CDC20B: variants seen among roughly 807,000 people sequenced by gnomAD.
CDC20B encodes the protein cell division cycle 20B.
CDC20B carries 58 observed loss-of-function variants against 64.1 expected under a neutral mutation model. The observed-to-expected ratio is 0.90, with a 90% CI of 0.73 to 1.13. The LOEUF is 1.13. Among genes scored for constraint, CDC20B ranks in the 50% most tolerant of loss-of-function variants. CDC20B has a pLI of 0.00. For synonymous variants in CDC20B, 243 were observed against 230.6 expected, an observed-to-expected ratio of 1.05 and a Z score of -0.49; for missense variants, 597 against 633.0, an observed-to-expected ratio of 0.94 and a Z score of 0.61.
intron 8 of CDC20B, 29 bp from the exon 9 acceptor site, chr5:55,125,057 G>A: frequency 6.4e-7 from 1 of 1,567,580 alleles, no homozygotes; most frequent in East Asian, 2.3e-5. Flanking sequence ...AAAAAATTAA[G>A]CCCTGTTGCT....
chr5:55,152,443 A>G (rs1743693411), intron 2 of CDC20B, among the ~76,000 whole-genome samples: 1 of 152,228 alleles, frequency 6.6e-6, no homozygotes, highest in Non-Finnish European at 1.5e-5. Flanking sequence ...TGTCTATTTT[A>G]GTTTCATCAC....
At position 55,168,330 on chromosome 5, in the gene CDC20B, A is replaced by G. The variant is rs141735662; in HGVS notation, c.126+4258T>C. Among the ~76,000 whole-genome samples the G allele has an allele frequency of 4.9e-4, 75 of 152,102 alleles. No individual in the cohort carries two copies. The East Asian group carries it at 0.013, about 27-fold the overall frequency. ...TTCCCAGCACCAGTGAACAGCCAAGAGACTGCCCCAAGAGAAAACACCTGG... is the reference window on the plus strand; with the variant it reads ...TTCCCAGCACCAGTGAACAGCCAAGGGACTGCCCCAAGAGAAAACACCTGG... On this transcript the variant is annotated intron_variant, in intron 2 of 11. Transcript: ENST00000381375.
Position 55,141,475 on chromosome 5 carries a change from A to T in CDC20B, c.487-1068T>A, listed in dbSNP as rs887757000. Among the ~76,000 whole-genome samples the T allele has an allele frequency of 1.1e-4, 16 of 152,308 alleles. 2 individuals are homozygous for T. The South Asian group carries it at 3.3e-3, about 32-fold the overall frequency. ...AAGTGATGGCCTTCCCGGTGTTATAACTATAGTGGTGAGCTTCTCTATGTT... is the reference window on the plus strand; with the variant it reads ...AAGTGATGGCCTTCCCGGTGTTATATCTATAGTGGTGAGCTTCTCTATGTT... On this transcript the variant is annotated intron_variant, in intron 4 of 11. Coordinates refer to ENST00000381375, the MANE Select transcript of CDC20B (RefSeq NM_001170402.1).
At chr5:55,127,685 G>C (rs1306692104) in intron 7 of CDC20B, among the ~76,000 whole-genome samples, 2 of 152,126 alleles carry the variant, frequency 1.3e-5, no homozygotes, top group African/African-American at 4.8e-5. Context: ...TCCAAATCTG[G>C]AAATCTACCC....
At chr5:55,150,822 G>A (rs1053554258) in intron 2 of CDC20B, among the ~76,000 whole-genome samples, 2 of 151,990 alleles carry the variant, frequency 1.3e-5, no homozygotes, top group African/African-American at 2.4e-5. Context: ...ATGGCTCACC[G>A]CAGTCTCGAC....
chr5:55,164,125 G>A (rs950401320), intron 2 of CDC20B: 55 of 1,607,696 alleles, frequency 3.4e-5, no homozygotes, highest in Non-Finnish European at 4.7e-5. Context: ...AAGTTGTGAA[G>A]TTCTGGAAGC....
At chr5:55,151,044 C>G (rs1175667171) in intron 2 of CDC20B, among the ~76,000 whole-genome samples, 1 of 152,140 alleles carries the variant, frequency 6.6e-6, no homozygotes, top group Non-Finnish European at 1.5e-5. Context: ...CCTCACAGGG[C>G]CACTCGAACT....
intron 11 of CDC20B, among the ~76,000 whole-genome samples, chr5:55,115,963 T>C (rs1055478941): frequency 8.5e-5 from 13 of 152,192 alleles, no homozygotes; most frequent in African/African-American, 3.1e-4. Flanking sequence ...TGGCCCTGGG[T>C]GTGTTGGGAC....
At chr5:55,134,378 G>A (rs1162146475) in intron 5 of CDC20B, among the ~76,000 whole-genome samples, 4 of 151,908 alleles carry the variant, frequency 2.6e-5, no homozygotes, top group Non-Finnish European at 5.9e-5. Context: ...TGTAGCTGAG[G>A]GCAAAACTGC....
At chr5:55,141,103 G>A (rs944867434) in intron 4 of CDC20B, among the ~76,000 whole-genome samples, 8 of 152,324 alleles carry the variant, frequency 5.3e-5, no homozygotes, top group African/African-American at 1.9e-4. Context: ...GAGGGAGTGG[G>A]TGGATGAGCA....
chr5:55,116,302 G>C lies in CDC20B; in HGVS notation c.1460-1984C>G, dbSNP rs1247838674. The stretch of plus-strand genomic sequence containing the variant: ...CCTGCAGTCCCAGCTACTCAGGAGG[G>C]TCACTTGAAGCAAGGTGTTTGAGGC... On this transcript the variant is annotated intron_variant, in intron 11 of 11. Coordinates refer to ENST00000381375, the MANE Select transcript of CDC20B (RefSeq NM_001170402.1). 2.0e-5 allele frequency among the ~76,000 whole-genome samples: 3 copies of C among 152,182 alleles called. No individual in the cohort carries two copies. In the South Asian group the frequency reaches 6.2e-4, roughly 32 times the overall value.
chr5:55,167,945 T>C (rs559323500), intron 2 of CDC20B, among the ~76,000 whole-genome samples: 1 of 152,206 alleles, frequency 6.6e-6, no homozygotes, highest in Non-Finnish European at 1.5e-5. Context: ...GGTGAGAGGA[T>C]TGCTTAAGCC....
chr5:55,126,900 C>G (rs1284157981), intron 8 of CDC20B, among the ~76,000 whole-genome samples: 3 of 152,208 alleles, frequency 2.0e-5, no homozygotes, highest in African/African-American at 7.2e-5. Flanking sequence ...GAGAGCTTAA[C>G]ATATTCCATA....
At chr5:55,137,493 T>C (rs1743212119) in intron 5 of CDC20B, 3 of 454,910 alleles carry the variant, frequency 6.6e-6, no homozygotes, top group African/African-American at 2.0e-5. Flanking sequence ...ACTTGGCTTA[T>C]GTGGGATCTG....
At chr5:55,145,419 A>G (rs1743443419) in intron 3 of CDC20B, among the ~76,000 whole-genome samples, 1 of 152,258 alleles carries the variant, frequency 6.6e-6, no homozygotes, top group African/African-American at 2.4e-5. Context: ...ATACGCTGAT[A>G]GTCAAAAGAA....
At chr5:55,122,585 T>C (rs760358901) in intron 9 of CDC20B, among the ~76,000 whole-genome samples, 2 of 152,234 alleles carry the variant, frequency 1.3e-5, no homozygotes, top group Non-Finnish European at 2.9e-5. Flanking sequence ...GTGGGACTTG[T>C]GACTATCCTG....
chr5:55,143,814 C>T (rs1580352363), intron 3 of CDC20B, among the ~76,000 whole-genome samples, 171 bp from the exon 4 acceptor site: 1 of 152,114 alleles, frequency 6.6e-6, no homozygotes, highest in African/African-American at 2.4e-5. Flanking sequence ...CCCAGGCTCT[C>T]GTCGCTCCAA....
At position 55,146,806 on chromosome 5, in the gene CDC20B, C is replaced by T; in HGVS notation, c.177G>A (p.Ala59=). 16 of 1,614,080 alleles carry T rather than the reference C, an allele frequency of 9.9e-6. No homozygotes were observed. Among genetic ancestry groups the T allele is most frequent in the Non-Finnish European group, 1.4e-5 (16 of 1,180,006 alleles). The change falls in exon 3 of 12, where the codon GCG becomes GCA. Residue 59 remains alanine, a synonymous_variant. Coordinates refer to ENST00000381375, the MANE Select transcript of CDC20B (RefSeq NM_001170402.1). ...ATYSDFKSNF[A]KRLSAEVPVA... ...CAGGAACCTCTGCGGACAGCCTCTT[C>T]GCAAAGTTGCTCTTAAAGTCAGAAT...
chr5:55,120,545 C>T lies in CDC20B; in HGVS notation c.1221G>A (p.Met407Ile). The change falls in exon 10 of 12, where the codon ATG (methionine) becomes ATA (isoleucine). Residue 407 changes from methionine (M) to isoleucine (I), a missense_variant. Transcript: ENST00000381375. ...VITQSTAVKAMDWCPWQSGVL... is the reference protein window; with the variant it reads ...VITQSTAVKAIDWCPWQSGVL... ...CCCCAGACTGCCAGGGACACCAATCCATGGCCTTTAAAGTTTCACATAATA... is the reference window on the plus strand; with the variant it reads ...CCCCAGACTGCCAGGGACACCAATCTATGGCCTTTAAAGTTTCACATAATA... The T allele has an allele frequency of 6.2e-7, 1 of 1,613,412 alleles. No homozygotes were observed. The highest frequency in any genetic ancestry group is 8.5e-7 in the Non-Finnish European group (1 of 1,179,556).
Sources: allele counts gnomAD v4.1 joint callset (sites outside exome capture counted in the v4.1 genomes callset), GRCh38; gene constraint gnomAD v4.1.1; transcripts MANE v1.5; gene names NCBI Gene and HGNC (gene_info 2026-07-23, HGNC 2026-07-21).